Variants in PLA2G4F observed in about 807,000 individuals in gnomAD.
PLA2G4F encodes cytosolic phospholipase A2 zeta.
A neutral mutation model predicts 103.1 loss-of-function variants in PLA2G4F; 105 were observed. The ratio of observed to expected loss-of-function variants is 1.02; its 90% CI spans 0.87 to 1.20. The LOEUF (loss-of-function observed/expected upper bound fraction) is 1.20. Among genes scored for constraint, PLA2G4F ranks in the 50% most tolerant of loss-of-function variants. PLA2G4F has a pLI of 0.00. For synonymous variants in PLA2G4F, 468 were observed against 441.1 expected (o/e 1.06, Z -0.76); for missense variants, 1,155 against 1,075.9 (o/e 1.07, Z -1.03).
rs1327602440 is a variant in PLA2G4F at position 42,141,045 on chromosome 15, C to T, written c.*939G>A. Reference sequence around the variant, plus strand: ...AAAACTTGCCAAGACCCATTGGATGCATCTGGGAAAGAGGCAAGAGCCCAG... The same window carrying T: ...AAAACTTGCCAAGACCCATTGGATGTATCTGGGAAAGAGGCAAGAGCCCAG... On this transcript the variant is annotated 3_prime_UTR_variant, in exon 20 of 20. Transcript: ENST00000397272. 4 of 352,940 alleles carry T rather than the reference C, an allele frequency of 1.1e-5. No individual in the cohort carries two copies. Among genetic ancestry groups the T allele is most frequent in the East Asian group, 7.5e-5 (1 of 13,406 alleles). 21.9% of individuals were successfully genotyped at this position (352,940 alleles called of 1,614,324 possible).
In PLA2G4F at chr15:42,147,162, G is replaced by A. The variant is rs906755370; in HGVS notation, c.1381C>T (p.Leu461Phe). 10 of 1,612,730 alleles carry A rather than the reference G, an allele frequency of 6.2e-6. No individual in the cohort carries two copies. Among genetic ancestry groups the A allele is most frequent in the Non-Finnish European group, 6.8e-6 (8 of 1,179,956 alleles). Residue 461 changes from leucine (L) to phenylalanine (F), a missense_variant, in exon 13 of 20, where the codon CTC (leucine) becomes TTC (phenylalanine). Transcript: ENST00000397272. Reference protein sequence around the residue: ...RSGHSVSLIDLWGLLVEYLLY... With the variant: ...RSGHSVSLIDFWGLLVEYLLY... ...AGATACTCAACAAGGAGGCCCCAGA[G>A]GTCGATGAGGGACACGCTGTGGCCA...
intron 1 of PLA2G4F, 122 bp from the exon 2 acceptor site, chr15:42,155,711 G>A (rs2049008865): frequency 1.6e-5 from 15 of 947,952 alleles, no homozygotes; most frequent in Non-Finnish European, 2.4e-5. Context: ...TCTCTGTGCC[G>A]GGGAGCAGGG....
Position 42,145,844 on chromosome 15 carries a change from T to G in PLA2G4F, c.1594A>C (p.Thr532Pro), listed in dbSNP as rs2048878342. Residue 532 changes from threonine to proline, a missense_variant, in exon 15 of 20, where the codon ACC becomes CCC. Physicochemically the swap from Thr to Pro is conservative, Grantham distance 38. Transcript: ENST00000397272. Reference protein sequence around the residue: ...GFPKYGAYVPTELFGSELFMG... With the variant: ...GFPKYGAYVPPELFGSELFMG... Reference sequence around the variant, plus strand: ...AAGAGTTCTGAGCCGAAGAGCTCGGTGGGAACATAAGCCCCGTACTTGGGG... The same window carrying G: ...AAGAGTTCTGAGCCGAAGAGCTCGGGGGGAACATAAGCCCCGTACTTGGGG... 1.2e-6 allele frequency: 2 copies of G among 1,613,934 alleles called. No individual in the cohort carries two copies. The highest frequency in any genetic ancestry group is 1.7e-6 in the Non-Finnish European group (2 of 1,180,016).
At chr15:42,142,496 T>C (rs778254222) in intron 19 of PLA2G4F, 32 bp downstream of exon 19, 8 of 1,583,872 alleles carry the variant, frequency 5.1e-6, no homozygotes, top group East Asian at 2.2e-5. Context: ...CAGGGCTCTG[T>C]GGGTCAGTCC....
At chr15:42,146,996 C>T (rs2048894519) in intron 13 of PLA2G4F, 128 bp downstream of exon 13, 1 of 944,004 alleles carries the variant, frequency 1.1e-6, no homozygotes, top group South Asian at 1.6e-5. Context: ...ACTCCTGGCC[C>T]CAGGGGAGCC....
intron 7 of PLA2G4F, 36 bp downstream of exon 7, chr15:42,152,652 G>A (rs1176367122): frequency 1.9e-6 from 3 of 1,550,610 alleles, no homozygotes; most frequent in Admixed American, 2.0e-5. Context: ...CCCCGGGAGA[G>A]AAGGCAAAAG....
In PLA2G4F at chr15:42,145,866, G is replaced by A; in HGVS notation, c.1572C>T (p.Pro524=). The change falls in exon 15 of 20, where the codon CCC becomes CCT. Residue 524 remains proline, a synonymous_variant. Coordinates refer to ENST00000397272, the MANE Select transcript of PLA2G4F (RefSeq NM_213600.4). ...CEFTPYEVGF[P]KYGAYVPTEL... is the part of the protein sequence containing the mutation. ...CGGTGGGAACATAAGCCCCGTACTT[G>A]GGGAAGCCAACCTCATAGGGCGTGA... 1 of 1,614,088 alleles carries A rather than the reference G, an allele frequency of 6.2e-7. No homozygotes were observed. The highest frequency in any genetic ancestry group is 8.5e-7 in the Non-Finnish European group (1 of 1,180,014).
At chr15:42,146,279 G>C in intron 13 of PLA2G4F, 38 bp from the exon 14 acceptor site, 1 of 1,588,008 alleles carries the variant, frequency 6.3e-7, no homozygotes, top group African/African-American at 1.3e-5. Flanking sequence ...GGCCTTTCAG[G>C]AGTTCCATTC....
intron 18 of PLA2G4F, 44 bp from the exon 19 acceptor site, chr15:42,142,758 GC>G (rs765134924): frequency 6.3e-7 from 1 of 1,599,408 alleles, no homozygotes; most frequent in Non-Finnish European, 8.6e-7. Flanking sequence ...CTCCACCCTG[GC>G]CACTCCCGCC....
chr15:42,151,334 C>T (rs1334271021), intron 7 of PLA2G4F: 1 of 985,228 alleles, frequency 1.0e-6, no homozygotes, highest in African/African-American at 1.7e-5. Context: ...CGGCGGAGGG[C>T]TAGCCCAGAC....
At chr15:42,149,039 G>A (rs2048924631) in intron 11 of PLA2G4F, 1 of 985,234 alleles carries the variant, frequency 1.0e-6, no homozygotes, top group Admixed American at 6.1e-5. Flanking sequence ...TCCCCTGTAA[G>A]TCCCTCTCTC....
At chr15:42,143,936 A>T in intron 18 of PLA2G4F, 42 bp downstream of exon 18, 1 of 1,548,250 alleles carries the variant, frequency 6.5e-7, no homozygotes, top group Non-Finnish European at 8.8e-7. Flanking sequence ...CTTTCTGTCC[A>T]CTCACTGCAG....
intron 13 of PLA2G4F, 46 bp downstream of exon 13, chr15:42,147,078 A>AGGAGT: frequency 6.5e-7 from 1 of 1,541,106 alleles, no homozygotes; most frequent in Non-Finnish European, 8.9e-7. Context: ...GGCGGGTGGA[A>AGGAGT]GGAGTGGAGA....
At position 42,141,234 on chromosome 15, in the gene PLA2G4F, A is replaced by G. The variant is rs2048824630; in HGVS notation, c.*750T>C. The G allele has an allele frequency of 2.2e-6, 1 of 456,574 alleles. No individual in the cohort carries two copies. Among genetic ancestry groups the G allele is most frequent in the Admixed American group, 2.3e-5 (1 of 42,566 alleles). The allele number at this position is 456,574 out of a possible 1,614,324, so 28.3% of individuals were successfully genotyped here. A position where few individuals can be genotyped will look rare whatever the true frequency, so the allele number is the denominator to read the frequency against. The stretch of plus-strand genomic sequence containing the variant: ...GGAATGGTGAGACTATATTTGCATG[A>G]TGTGGCCACTACACACATCACCAGA... On this transcript the variant is annotated 3_prime_UTR_variant, in exon 20 of 20. Coordinates refer to ENST00000397272, the MANE Select transcript of PLA2G4F (RefSeq NM_213600.4).
intron 18 of PLA2G4F, among the ~76,000 whole-genome samples, 189 bp from the exon 19 acceptor site, chr15:42,142,903 G>A (rs752371302): frequency 4.6e-5 from 7 of 152,098 alleles, no homozygotes; most frequent in African/African-American, 4.8e-5. Flanking sequence ...ACTTCCGGCC[G>A]GGCATGGTGG....
intron 16 of PLA2G4F, 50 bp downstream of exon 16, chr15:42,145,525 C>A (rs1364683179): frequency 6.5e-7 from 1 of 1,541,340 alleles, no homozygotes; most frequent in African/African-American, 1.4e-5. Flanking sequence ...TCTGCCAGGG[C>A]CCTGTTGCTG....
chr15:42,140,883 T>G lies in PLA2G4F; in HGVS notation c.*1101A>C, dbSNP rs950177744. The G allele has an allele frequency of 4.1e-6, 1 of 245,812 alleles. No homozygotes were observed. The highest frequency in any genetic ancestry group is 8.2e-6 in the Non-Finnish European group (1 of 121,366). The allele number at this position is 245,812 out of a possible 1,614,324, so 15.2% of individuals were successfully genotyped here. ...CTGGAGGCATATGCTGCAGAGGCCG[T>G]GGCCAGATGGAGAGGGCCTGGCCAG... On this transcript the variant is annotated 3_prime_UTR_variant, in exon 20 of 20. Transcript: ENST00000397272.
chr15:42,156,418 A>C (rs562893535), intron 1 of PLA2G4F, 21 bp downstream of exon 1: 1 of 1,542,926 alleles, frequency 6.5e-7, no homozygotes, highest in East Asian at 2.4e-5. Context: ...CGGGTTTCCC[A>C]GGTAATCTCA....
intron 2 of PLA2G4F, 114 bp from the exon 3 acceptor site, chr15:42,154,572 C>A (rs1458412513): frequency 2.4e-6 from 3 of 1,255,852 alleles, no homozygotes; most frequent in Non-Finnish European, 1.1e-6. Context: ...AAGCCGCCCA[C>A]GTGGCATGGT....
Sources: gnomAD v4.1 joint callset for allele counts (sites outside exome capture counted in the v4.1 genomes callset) on GRCh38, gnomAD v4.1.1 for gene constraint, MANE v1.5 for transcripts, NCBI Gene and HGNC (gene_info 2026-07-23, HGNC 2026-07-21) for gene names.